SLC24A2: variants seen among roughly 807,000 people sequenced by gnomAD.
SLC24A2 encodes the protein sodium/potassium/calcium exchanger 2.
In SLC24A2, 36 loss-of-function variants were observed where a neutral mutation model predicts 62.0. That is an observed-to-expected ratio of 0.58 (90% CI 0.44 to 0.77). SLC24A2 has a LOEUF of 0.77. SLC24A2 is among the 30% of genes least tolerant of loss of function. SLC24A2 has a pLI of 0.00. For missense variants in SLC24A2, 846 were observed against 817.9 expected, an observed-to-expected ratio of 1.03 and a Z score of -0.42; for synonymous variants, 358 against 294.0, an observed-to-expected ratio of 1.22 and a Z score of -2.23.
the SLC24A2 span, among the ~76,000 whole-genome samples, chr9:19,894,411 A>G: frequency 5.6e-3 from 857 of 152,184 alleles, 20 homozygotes; most frequent in East Asian, 0.071. Flanking sequence ...ATTCATCCAT[A>G]TGTTATCATT....
the SLC24A2 span, among the ~76,000 whole-genome samples, chr9:19,949,213 TG>T: frequency 3.9e-5 from 6 of 151,996 alleles, no homozygotes; most frequent in South Asian, 1.2e-3. Flanking sequence ...AGGATGGTCT[TG>T]AACTCCCGAT....
the SLC24A2 span, among the ~76,000 whole-genome samples, chr9:20,136,650 A>G: frequency 6.6e-6 from 1 of 152,118 alleles, no homozygotes; most frequent in Admixed American, 6.6e-5. Context: ...ATTGACCACA[A>G]ATTATTTTTT....
chr9:19,557,921 G>A (rs1285772899), intron 7 of SLC24A2, among the ~76,000 whole-genome samples: 1 of 151,654 alleles, frequency 6.6e-6, no homozygotes, highest in East Asian at 1.9e-4. Flanking sequence ...CTGGGCTCAA[G>A]CAATCCTCCC....
the SLC24A2 span, among the ~76,000 whole-genome samples, chr9:19,910,024 A>G: frequency 1.5e-4 from 23 of 152,112 alleles, no homozygotes; most frequent in African/African-American, 5.3e-4. Context: ...AAGGGCAAGC[A>G]TTGTTCTAGA....
At chr9:19,999,451 C>G in the SLC24A2 span, among the ~76,000 whole-genome samples, 1 of 152,188 alleles carries the variant, frequency 6.6e-6, no homozygotes, top group East Asian at 1.9e-4. Flanking sequence ...TTTCAGCACT[C>G]AGGGCTAGGT....
At chr9:19,982,202 G>A in the SLC24A2 span, among the ~76,000 whole-genome samples, 1 of 152,154 alleles carries the variant, frequency 6.6e-6, no homozygotes, top group Non-Finnish European at 1.5e-5. Context: ...GAAACAGAGT[G>A]TACAATGACA....
At chr9:20,302,259 G>A in the SLC24A2 span, among the ~76,000 whole-genome samples, 1 of 152,134 alleles carries the variant, frequency 6.6e-6, no homozygotes, top group Non-Finnish European at 1.5e-5. Context: ...CTCAGTTGCT[G>A]GGCTGTATGG....
the SLC24A2 span, among the ~76,000 whole-genome samples, chr9:19,862,781 C>A: frequency 6.6e-6 from 1 of 151,728 alleles, no homozygotes. Flanking sequence ...AAATAATGGG[C>A]TATCAGATAG....
At chr9:20,291,077 AT>A in the SLC24A2 span, among the ~76,000 whole-genome samples, 2 of 152,222 alleles carry the variant, frequency 1.3e-5, no homozygotes, top group Non-Finnish European at 2.9e-5. Context: ...ACAACCACAC[AT>A]ATCAACAATG....
At chr9:20,276,198 A>G in the SLC24A2 span, among the ~76,000 whole-genome samples, 8 of 152,346 alleles carry the variant, frequency 5.3e-5, 1 homozygote, top group South Asian at 1.7e-3. Flanking sequence ...GCTTCTGCCT[A>G]TAGCCTGTAA....
chr9:20,014,213 G>T, the SLC24A2 span, among the ~76,000 whole-genome samples: 1 of 151,686 alleles, frequency 6.6e-6, no homozygotes, highest in Non-Finnish European at 1.5e-5. Context: ...GTCTCAGCGG[G>T]GGAAAAAAAG....
chr9:19,857,163 G>T, the SLC24A2 span, among the ~76,000 whole-genome samples: 5 of 152,200 alleles, frequency 3.3e-5, no homozygotes, highest in African/African-American at 9.7e-5. Flanking sequence ...CCGCCTAGAA[G>T]ATGAAGCTGA....
chr9:20,242,292 G>A, the SLC24A2 span, among the ~76,000 whole-genome samples: 1 of 152,118 alleles, frequency 6.6e-6, no homozygotes, highest in East Asian at 1.9e-4. Context: ...TGAGAAATAG[G>A]GCTAAAGAAA....
the SLC24A2 span, among the ~76,000 whole-genome samples, chr9:20,115,628 G>T: frequency 1.3e-5 from 2 of 152,132 alleles, no homozygotes; most frequent in Non-Finnish European, 2.9e-5. Flanking sequence ...TGATCAAATT[G>T]TGCTTCCTTT....
At chr9:19,936,603 A>C in the SLC24A2 span, among the ~76,000 whole-genome samples, 1 of 152,194 alleles carries the variant, frequency 6.6e-6, no homozygotes, top group Non-Finnish European at 1.5e-5. Context: ...TAGTACAAAC[A>C]ATTAGAAAGC....
chr9:20,146,693 C>A, the SLC24A2 span, among the ~76,000 whole-genome samples: 1 of 151,966 alleles, frequency 6.6e-6, no homozygotes, highest in Admixed American at 6.6e-5. Context: ...TGAAAGACAC[C>A]CTGTCATCAA....
the SLC24A2 span, among the ~76,000 whole-genome samples, chr9:20,266,521 T>G: frequency 6.6e-6 from 1 of 151,944 alleles, no homozygotes; most frequent in Non-Finnish European, 1.5e-5. Context: ...GCTTTTCAAG[T>G]TTCCACAAAG....
At chr9:19,657,927 A>C (rs1233686852) in intron 2 of SLC24A2, among the ~76,000 whole-genome samples, 5 of 152,112 alleles carry the variant, frequency 3.3e-5, no homozygotes, top group Admixed American at 1.3e-4. Context: ...ATGAGGTCTC[A>C]CTATGTTGCC....
the SLC24A2 span, among the ~76,000 whole-genome samples, chr9:20,272,525 T>C: frequency 2.0e-5 from 3 of 152,312 alleles, no homozygotes; most frequent in Admixed American, 1.3e-4. Context: ...CCTATGCTTC[T>C]CTGAATGAGA....
Sources: gnomAD v4.1 joint callset for allele counts (sites outside exome capture counted in the v4.1 genomes callset) on GRCh38, gnomAD v4.1.1 for gene constraint, MANE v1.5 for transcripts, NCBI Gene and HGNC (gene_info 2026-07-23, HGNC 2026-07-21) for gene names.